The following MAP3K8 variants were observed in gnomAD, a reference collection of about 807,000 sequenced individuals.
The protein encoded by MAP3K8 is mitogen-activated protein kinase kinase kinase 8, also known as Ewing sarcoma transformant.
Under a neutral mutation model 45.8 loss-of-function variants are expected in MAP3K8, and 22 were observed. That is an observed-to-expected ratio of 0.48 (90% CI 0.34 to 0.69). The LOEUF (loss-of-function observed/expected upper bound fraction) is 0.69, where lower values mean the gene tolerates loss of function less well. Among genes scored for constraint, MAP3K8 ranks in the 30% least tolerant of loss-of-function variants. MAP3K8 has a pLI of 0.01. For synonymous variants in MAP3K8, 223 were observed against 214.3 expected (o/e 1.04, Z -0.36); for missense variants, 419 against 585.0 (o/e 0.72, Z 2.93).
In MAP3K8 at chr10:30,439,166, C is replaced by G. The variant is rs370656437; in HGVS notation, c.228C>G (p.Val76=). ...AAGAGGTACCATGGTTGTCATCAGT[C>G]AGATATGGAACTGTGGAGGATTTGC... The part of the protein sequence containing the change: ...SGQEVPWLSS[V]RYGTVEDLLA... The change falls in exon 3 of 9, where the codon GTC becomes GTG. Residue 76 remains valine, a synonymous_variant. Coordinates refer to ENST00000263056, the MANE Select transcript of MAP3K8 (RefSeq NM_005204.4). The G allele has an allele frequency of 1.2e-6, 2 of 1,614,092 alleles. No individual in the cohort carries two copies. The highest frequency in any genetic ancestry group is 1.7e-6 in the Non-Finnish European group (2 of 1,180,046).
intron 8 of MAP3K8, 140 bp from the exon 9 acceptor site, chr10:30,460,566 C>A (rs555749976): frequency 1.8e-5 from 11 of 605,028 alleles, no homozygotes; most frequent in Admixed American, 6.9e-5. Context: ...TGAACTTAGC[C>A]ATAGTGTTCA....
In MAP3K8 at chr10:30,461,388, T is replaced by C. The variant is rs1836934788; in HGVS notation, c.*552T>C. ...GTCCTAAAAATGGCTAACTGATGAA[T>C]TAGAAGCCATCTGACAGCAGGCCAC... On this transcript the variant is annotated 3_prime_UTR_variant, in exon 9 of 9. Coordinates refer to ENST00000263056, the MANE Select transcript of MAP3K8 (RefSeq NM_005204.4). 1.5e-5 allele frequency: 3 copies of C among 205,798 alleles called. No homozygotes were observed. The East Asian group carries it at 2.3e-4, about 16-fold the overall frequency. 12.7% of individuals were successfully genotyped at this position (205,798 alleles called of 1,614,324 possible).
chr10:30,453,186 C>A (rs770867533), intron 6 of MAP3K8, among the ~76,000 whole-genome samples: 1 of 152,098 alleles, frequency 6.6e-6, no homozygotes, highest in Non-Finnish European at 1.5e-5. Context: ...GAACCCAGTT[C>A]TTTCTAAGTC....
intron 3 of MAP3K8, among the ~76,000 whole-genome samples, chr10:30,440,752 T>C (rs1406589724): frequency 6.6e-6 from 1 of 152,228 alleles, no homozygotes; most frequent in Admixed American, 6.5e-5. Flanking sequence ...TATAATTGTT[T>C]GTGTATTTCT....
Position 30,460,845 on chromosome 10 carries a change from A to G in MAP3K8, c.*9A>G. 6.2e-7 allele frequency: 1 copy of G among 1,613,100 alleles called. No homozygotes were observed. Among genetic ancestry groups the G allele is most frequent in the South Asian group, 1.1e-5 (1 of 91,052 alleles). Reference sequence around the variant, plus strand: ...CGCTTGAATATGGCTGAAGGATGCCATGTTTGCTCTAAATTAAGACAGCAT... The same window carrying G: ...CGCTTGAATATGGCTGAAGGATGCCGTGTTTGCTCTAAATTAAGACAGCAT... On this transcript the variant is annotated 3_prime_UTR_variant, in exon 9 of 9. Coordinates refer to ENST00000263056, the MANE Select transcript of MAP3K8 (RefSeq NM_005204.4).
At chr10:30,455,199 T>C (rs542324427) in intron 6 of MAP3K8, among the ~76,000 whole-genome samples, 1 of 152,348 alleles carries the variant, frequency 6.6e-6, no homozygotes, top group Admixed American at 6.5e-5. Context: ...TCAGCCTGCA[T>C]TTAATATCTG....
intron 3 of MAP3K8, among the ~76,000 whole-genome samples, chr10:30,441,112 G>A (rs1207054310): frequency 6.6e-6 from 1 of 152,086 alleles, no homozygotes; most frequent in African/African-American, 2.4e-5. Flanking sequence ...ATTACCTGCT[G>A]TGGGTCCTGT....
intron 3 of MAP3K8, among the ~76,000 whole-genome samples, chr10:30,446,817 A>G (rs905945878): frequency 2.6e-5 from 4 of 152,200 alleles, no homozygotes; most frequent in African/African-American, 7.2e-5. Flanking sequence ...TAAATGTCCA[A>G]TTTTACGAGT....
Position 30,456,564 on chromosome 10 carries a change from C to T in MAP3K8, c.874-1520C>T, listed in dbSNP as rs560038810. On this transcript the variant is annotated intron_variant, in intron 6 of 8. Transcript: ENST00000263056. The stretch of plus-strand genomic sequence containing the variant: ...GACCTCCATTCTCTTATTCACATGG[C>T]AGACAGTGTACAAGCTGTTTCAAGC... Among the ~76,000 whole-genome samples the T allele has an allele frequency of 2.0e-5, 3 of 152,266 alleles. No homozygotes were observed. In the East Asian group the frequency reaches 5.8e-4, roughly 29 times the overall value.
In MAP3K8 at chr10:30,434,825, C is replaced by A. The variant is rs140319331; in HGVS notation, c.-255+447C>A. The A allele has an allele frequency of 2.9e-4, 281 of 965,240 alleles. 1 individual carries two copies. The African/African-American group carries it at 4.3e-3, about 15-fold the overall frequency. The allele number at this position is 965,240 out of a possible 1,614,324, so 59.8% of individuals were successfully genotyped here. On this transcript the variant is annotated intron_variant, in intron 1 of 8. Coordinates refer to ENST00000263056, the MANE Select transcript of MAP3K8 (RefSeq NM_005204.4). The stretch of plus-strand genomic sequence containing the variant: ...TTTGATAATTTATAAGCCTTTTAGG[C>A]TCCCTTGACTTAGAGAACCAGGAGG...
At position 30,448,143 on chromosome 10, in the gene MAP3K8, T is replaced by A. The variant is rs549541228; in HGVS notation, c.504+194T>A. 2.4e-3 allele frequency among the ~76,000 whole-genome samples: 363 copies of A among 152,294 alleles called. 1 individual carries two copies. The highest frequency in any genetic ancestry group is 8.1e-3 in the African/African-American group (338 of 41,560). On this transcript the variant is annotated intron_variant, in intron 4 of 8. Coordinates refer to ENST00000263056, the MANE Select transcript of MAP3K8 (RefSeq NM_005204.4). Reference sequence around the variant, plus strand: ...TTCAGCCCTAAAATCTCTGTTTAGGTGCATAGTTGATTTTAATCTAGATGA... The same window carrying A: ...TTCAGCCCTAAAATCTCTGTTTAGGAGCATAGTTGATTTTAATCTAGATGA...
At position 30,439,242 on chromosome 10, in the gene MAP3K8, C is replaced by G. The variant is rs938853569; in HGVS notation, c.304C>G (p.Arg102Gly). The change falls in exon 3 of 9, where the codon CGA becomes GGA. Residue 102 changes from arginine to glycine, a missense_variant. Coordinates refer to ENST00000263056, the MANE Select transcript of MAP3K8 (RefSeq NM_005204.4). Reference protein sequence around the residue: ...SNTAKHFYGQRPQESGILLNM... With the variant: ...SNTAKHFYGQGPQESGILLNM... The stretch of plus-strand genomic sequence containing the variant: ...CACTGCAAAGCATTTTTATGGACAA[C>G]GACCACAGGAATCTGGAATTTTATT... The G allele has an allele frequency of 4.3e-6, 7 of 1,614,076 alleles. No individual in the cohort carries two copies. In the African/African-American group the frequency reaches 9.3e-5, roughly 22 times the overall value.
chr10:30,457,923 C>CTGCA (rs1836793629), intron 6 of MAP3K8, among the ~76,000 whole-genome samples, 161 bp from the exon 7 acceptor site: 1 of 152,250 alleles, frequency 6.6e-6, no homozygotes, highest in Admixed American at 6.5e-5. Flanking sequence ...CTTCATCAGA[C>CTGCA]TGCAGGGACA....
Position 30,439,114 on chromosome 10 carries a change from G to A in MAP3K8, c.176G>A (p.Arg59His), listed in dbSNP as rs146728212. The change falls in exon 3 of 9, where the codon CGT (arginine) becomes CAT (histidine). Residue 59 changes from arginine (R) to histidine (H), a missense_variant. Arg to His is a conservative substitution (Grantham distance 29). This residue lies in a region of MAP3K8 where 102 missense variants were observed against 93.5 expected (regional missense o/e 1.09). Transcript: ENST00000263056. ...MCQDSNQNDE[R>H]SKSLLLSGQE... ...CAAGACAGTAATCAAAACGATGAGC[G>A]TTCTAAGTCTCTGCTGCTTAGTGGC... The A allele has an allele frequency of 3.1e-5, 50 of 1,614,200 alleles. No homozygotes were observed. The highest frequency in any genetic ancestry group is 2.9e-4 in the South Asian group (26 of 91,088).
chr10:30,437,124 G>A (rs1461347734), intron 1 of MAP3K8, 52 bp from the exon 2 acceptor site: 2 of 969,172 alleles, frequency 2.1e-6, no homozygotes, highest in East Asian at 1.1e-4. Context: ...AGCCATGAAA[G>A]CATTTCATAG....
At chr10:30,436,476 T>A (rs919039627) in intron 1 of MAP3K8, among the ~76,000 whole-genome samples, 2 of 152,012 alleles carry the variant, frequency 1.3e-5, no homozygotes, top group African/African-American at 4.8e-5. Context: ...TCCCTCCCTC[T>A]CCCCTTTCCA....
chr10:30,438,961 G>T lies in MAP3K8; in HGVS notation c.23G>T (p.Ser8Ile). 4.3e-6 allele frequency: 7 copies of T among 1,610,008 alleles called. No individual in the cohort carries two copies. The highest frequency in any genetic ancestry group is 5.9e-6 in the Non-Finnish European group (7 of 1,176,898). The change falls in exon 3 of 9, where the codon AGT (serine) becomes ATT (isoleucine). Residue 8 changes from serine (S) to isoleucine (I), a missense_variant. Ser to Ile is a moderately radical substitution (Grantham distance 142). Coordinates refer to ENST00000263056, the MANE Select transcript of MAP3K8 (RefSeq NM_005204.4). MEYMSTG[S>I]DNKEEIDLLI... Reference sequence around the variant, plus strand: ...GTAATGGAGTACATGAGCACTGGAAGTGACAATAAAGAAGAGATTGATTTA... The same window carrying T: ...GTAATGGAGTACATGAGCACTGGAATTGACAATAAAGAAGAGATTGATTTA...
At chr10:30,454,617 A>G (rs1836675497) in intron 6 of MAP3K8, among the ~76,000 whole-genome samples, 1 of 151,840 alleles carries the variant, frequency 6.6e-6, no homozygotes, top group South Asian at 2.1e-4. Flanking sequence ...ACTCTCTCAA[A>G]GCCAGCACTC....
In MAP3K8 at chr10:30,439,024, T is replaced by G; in HGVS notation, c.86T>G (p.Ile29Ser). Residue 29 changes from isoleucine to serine, a missense_variant, in exon 3 of 9, where the codon ATT (isoleucine) becomes AGT (serine). Around this residue, in one of 3 missense-constraint regions of MAP3K8, gnomAD observed 102 missense variants for 93.5 expected, o/e 1.09. Coordinates refer to ENST00000263056, the MANE Select transcript of MAP3K8 (RefSeq NM_005204.4). ...TTAAATGTGTCTGATGTAATAGACA[T>G]TATGGAAAATCTTTATGCAAGTGAA... ...KHLNVSDVID[I>S]MENLYASEEP... is the part of the protein sequence containing the mutation. 1.2e-6 allele frequency: 2 copies of G among 1,611,924 alleles called. No individual in the cohort carries two copies. Among genetic ancestry groups the G allele is most frequent in the Non-Finnish European group, 1.7e-6 (2 of 1,177,930 alleles).
Sources: allele counts gnomAD v4.1 joint callset (sites outside exome capture counted in the v4.1 genomes callset), GRCh38; gene constraint gnomAD v4.1.1; regional missense constraint gnomAD v4.1.1; transcripts MANE v1.5; gene names NCBI Gene and HGNC (gene_info 2026-07-23, HGNC 2026-07-21).